The following MAP9 variants were observed in gnomAD, a reference collection of about 807,000 sequenced individuals.
MAP9 encodes microtubule-associated protein 9.
Under a neutral mutation model 75.2 loss-of-function variants are expected in MAP9, and 80 were observed. The observed-to-expected ratio is 1.06, with a 90% CI of 0.89 to 1.28. The LOEUF is 1.28. MAP9 is among the 50% of genes most tolerant of loss of function. The pLI is 0.00. For missense variants in MAP9, 753 were observed against 719.9 expected, an observed-to-expected ratio of 1.05 and a Z score of -0.53; for synonymous variants, 235 against 237.3, an observed-to-expected ratio of 0.99 and a Z score of 0.09.
intron 5 of MAP9, among the ~76,000 whole-genome samples, chr4:155,366,012 C>T (rs1732305193): frequency 6.6e-6 from 1 of 152,010 alleles, no homozygotes; most frequent in African/African-American, 2.4e-5. Context: ...TCACGAAAAT[C>T]TTAAAAATGA....
chr4:155,372,989 T>C (rs1484866368), intron 4 of MAP9, 147 bp downstream of exon 4: 2 of 539,664 alleles, frequency 3.7e-6, no homozygotes, highest in African/African-American at 2.0e-5. Context: ...AAATTGAAGT[T>C]AGACAAAATA....
At position 155,347,835 on chromosome 4, in the gene MAP9, G is replaced by C; in HGVS notation, c.1892C>G (p.Ala631Gly). Residue 631 changes from alanine (A) to glycine (G), a missense_variant, in exon 14 of 14, where the codon GCA (alanine) becomes GGA (glycine). By Grantham distance (60) the Ala-to-Gly change is moderately conservative. Coordinates refer to ENST00000311277, the MANE Select transcript of MAP9 (RefSeq NM_001039580.2). ...KKRHSFLESE[A>G]LPPWSPPSRT... ...GCTTGGAGGGCTCCACGGAGGAAGTGCCTCACTTTCAAGAAAGGAATGACG... is the reference window on the plus strand; with the variant it reads ...GCTTGGAGGGCTCCACGGAGGAAGTCCCTCACTTTCAAGAAAGGAATGACG... 6.2e-7 allele frequency: 1 copy of C among 1,608,782 alleles called. No homozygotes were observed. Among genetic ancestry groups the C allele is most frequent in the Middle Eastern group, 1.7e-4 (1 of 6,046 alleles).
chr4:155,346,344 A>G lies in MAP9; in HGVS notation c.*1439T>C, dbSNP rs931017501. On this transcript the variant is annotated 3_prime_UTR_variant, in exon 14 of 14. Coordinates refer to ENST00000311277, the MANE Select transcript of MAP9 (RefSeq NM_001039580.2). Reference sequence around the variant, plus strand: ...TAAGAACAAGCAGCTATTTCTGTAGAGAAAGATCATCTTTGGATAACAATA... The same window carrying G: ...TAAGAACAAGCAGCTATTTCTGTAGGGAAAGATCATCTTTGGATAACAATA... The G allele has an allele frequency of 2.0e-5, 3 of 152,228 alleles. No homozygotes were observed. The highest frequency in any genetic ancestry group is 1.5e-5 in the Non-Finnish European group (1 of 68,030). 9.4% of individuals were successfully genotyped at this position (152,228 alleles called of 1,614,324 possible). A position where few individuals can be genotyped will look rare whatever the true frequency, so the allele number is the denominator to read the frequency against.
intron 7 of MAP9, among the ~76,000 whole-genome samples, chr4:155,359,694 A>C (rs1014185759): frequency 6.6e-6 from 1 of 152,072 alleles, no homozygotes; most frequent in Admixed American, 6.6e-5. Context: ...TAATAATACT[A>C]ATGTTCCTGA....
rs1731765802 is a variant in MAP9 at position 155,355,991 on chromosome 4, T to G, written c.1122-107A>C. Reference sequence around the variant, plus strand: ...ATATTTGAAAACTGGCCAGGCATGATGGCTCACACCTGTAATCCCAGCACT... The same window carrying G: ...ATATTTGAAAACTGGCCAGGCATGAGGGCTCACACCTGTAATCCCAGCACT... On this transcript the variant is annotated intron_variant, in intron 8 of 13. Transcript: ENST00000311277. 2.3e-5 allele frequency: 22 copies of G among 972,832 alleles called. No individual in the cohort carries two copies. In the South Asian group the frequency reaches 3.6e-4, roughly 16 times the overall value. 60.3% of individuals were successfully genotyped at this position (972,832 alleles called of 1,614,324 possible).
At chr4:155,350,057 T>C (rs1731445561) in intron 13 of MAP9, 1 of 243,812 alleles carries the variant, frequency 4.1e-6, no homozygotes, top group African/African-American at 2.4e-5. Flanking sequence ...TGAATTAATC[T>C]GGTAATTGGC....
chr4:155,370,782 A>G (rs1299396735), intron 4 of MAP9, among the ~76,000 whole-genome samples: 1 of 152,222 alleles, frequency 6.6e-6, no homozygotes, highest in Non-Finnish European at 1.5e-5. Flanking sequence ...CATGACTGAT[A>G]CTTTATACCT....
intron 13 of MAP9, chr4:155,349,544 C>A (rs1363874220): frequency 6.6e-6 from 1 of 151,992 alleles, no homozygotes; most frequent in Non-Finnish European, 1.5e-5. Context: ...TCACATGTAA[C>A]AAACAAAGTG....
At chr4:155,361,892 A>G (rs527873488) in intron 6 of MAP9, among the ~76,000 whole-genome samples, 156 bp downstream of exon 6, 1 of 152,180 alleles carries the variant, frequency 6.6e-6, no homozygotes, top group South Asian at 2.1e-4. Flanking sequence ...TCTGCATCCA[A>G]AATCACAGTT....
At chr4:155,351,087 G>A (rs1731491184) in intron 13 of MAP9, 1 of 151,786 alleles carries the variant, frequency 6.6e-6, no homozygotes, top group African/African-American at 2.4e-5. Context: ...GAACTATAAA[G>A]GGAGATGAAT....
chr4:155,352,039 A>G (rs1731534614), intron 13 of MAP9, among the ~76,000 whole-genome samples: 1 of 151,980 alleles, frequency 6.6e-6, no homozygotes, highest in African/African-American at 2.4e-5. Flanking sequence ...AACTTTTATA[A>G]AGATAAGTAA....
intron 13 of MAP9, 70 bp from the exon 14 acceptor site, chr4:155,347,975 C>T: frequency 1.0e-6 from 1 of 992,218 alleles, no homozygotes; most frequent in Admixed American, 2.7e-5. Context: ...AGGTTGCTTG[C>T]TGAAGAACAA....
At chr4:155,357,668 G>A in intron 7 of MAP9, 149 bp from the exon 8 acceptor site, 1 of 613,238 alleles carries the variant, frequency 1.6e-6, no homozygotes. Flanking sequence ...TGAATAAAAT[G>A]CCCTTAAGAA....
rs1359357854 is a variant in MAP9 at position 155,352,992 on chromosome 4, TTC to T, written c.1606_1607del (p.Glu536IlefsTer2). 1.3e-6 allele frequency: 2 copies of T among 1,540,192 alleles called. No individual in the cohort carries two copies. The highest frequency in any genetic ancestry group is 3.8e-5 in the Admixed American group (2 of 52,790). ...YLKEKNRKER[E>X]YERAKKQKEE... ...CTTTCTGTTTCTTTGCTCTTTCATA[TTC>T]TCTCTCCTTTCTATTTTTCTCTTTA... On this transcript the variant is annotated frameshift_variant, in exon 12 of 14. Coordinates refer to ENST00000311277, the MANE Select transcript of MAP9 (RefSeq NM_001039580.2). LOFTEE classifies it high-confidence loss of function.
At chr4:155,350,059 G>T in intron 13 of MAP9, 1 of 239,128 alleles carries the variant, frequency 4.2e-6, no homozygotes. Flanking sequence ...AATTAATCTG[G>T]TAATTGGCAA....
At position 155,352,935 on chromosome 4, in the gene MAP9, ATCTT is replaced by A. The variant is rs1445277113; in HGVS notation, c.1661_1664del (p.Lys554IlefsTer3). On this transcript the variant is annotated frameshift_variant, in exon 12 of 14. Coordinates refer to ENST00000311277, the MANE Select transcript of MAP9 (RefSeq NM_001039580.2). LOFTEE classifies it high-confidence loss of function. ...ACCATTTCTCAACAGCAGTTAAATT[ATCTT>A]TCTTTTTCTCGGCAACAGTTTCCTC... 10 of 1,535,882 alleles carry A rather than the reference ATCTT, an allele frequency of 6.5e-6. No individual in the cohort carries two copies. The highest frequency in any genetic ancestry group is 2.0e-5 in the Admixed American group (1 of 50,486).
Position 155,375,870 on chromosome 4 carries a change from C to T in MAP9, c.-20G>A. The T allele has an allele frequency of 1.9e-6, 3 of 1,548,482 alleles. No homozygotes were observed. In the East Asian group the frequency reaches 6.8e-5, roughly 35 times the overall value. Reference sequence around the variant, plus strand: ...AGACATAGTGTATTTTTTCTCGTTACCTTTATAAAATAGCTAATTATTAGA... The same window carrying T: ...AGACATAGTGTATTTTTTCTCGTTATCTTTATAAAATAGCTAATTATTAGA... On this transcript the variant is annotated 5_prime_UTR_variant, in exon 2 of 14. Transcript: ENST00000311277.
chr4:155,352,636 T>C lies in MAP9; in HGVS notation c.1781A>G (p.Asp594Gly). 1 of 1,555,678 alleles carries C rather than the reference T, an allele frequency of 6.4e-7. No homozygotes were observed. The highest frequency in any genetic ancestry group is 2.3e-5 in the East Asian group (1 of 44,314). The change falls in exon 13 of 14, where the codon GAT (aspartate) becomes GGT (glycine). Residue 594 changes from aspartate (D) to glycine (G), a missense_variant. Physicochemically the swap from Asp to Gly is moderately conservative, Grantham distance 94 (BLOSUM62 -1). Coordinates refer to ENST00000311277, the MANE Select transcript of MAP9 (RefSeq NM_001039580.2). Reference sequence around the variant, plus strand: ...TTCATTAATAGCTTGTTTATCTTTATCTTTTTTCTCAGCTCTTTTCAGTTC... The same window carrying C: ...TTCATTAATAGCTTGTTTATCTTTACCTTTTTTCTCAGCTCTTTTCAGTTC... The part of the protein sequence containing the change: ...KEELKRAEKK[D>G]KDKQAINEYE...
intron 10 of MAP9, among the ~76,000 whole-genome samples, chr4:155,354,745 A>G (rs6850011): frequency 0.61 from 93,062 of 152,080 alleles, 29,231 homozygotes; most frequent in East Asian, 0.79. Context: ...GATTACAGGC[A>G]TGAGCCACAG....
Sources: allele counts gnomAD v4.1 joint callset (sites outside exome capture counted in the v4.1 genomes callset), GRCh38; gene constraint gnomAD v4.1.1; transcripts MANE v1.5; gene names NCBI Gene and HGNC (gene_info 2026-07-23, HGNC 2026-07-21).